Variants in MIDEAS observed in about 807,000 individuals in gnomAD.
MIDEAS encodes mitotic deacetylase associated SANT domain protein.
MIDEAS carries 26 observed loss-of-function variants against 102.7 expected under a neutral mutation model. The observed-to-expected ratio is 0.25, with a 90% confidence interval of 0.19 to 0.35. The LOEUF is 0.35. Ranked by LOEUF, MIDEAS falls within the 10% of genes least tolerant of loss-of-function variation. MIDEAS has a pLI of 1.00. For missense variants in MIDEAS, 1,231 were observed against 1,435.6 expected (o/e 0.86, Z 2.30); for synonymous variants, 585 against 591.0 (o/e 0.99, Z 0.15).
intron 8 of MIDEAS, 28 bp downstream of exon 8, chr14:73,726,005 G>T (rs938270015): frequency 1.3e-5 from 20 of 1,563,738 alleles, no homozygotes; most frequent in Admixed American, 1.2e-4. Flanking sequence ...GAGGCTCCAG[G>T]CACCATGCCC....
upstream of MIDEAS, among the ~76,000 whole-genome samples, chr14:73,765,273 G>C (rs1261774799): frequency 1.3e-5 from 2 of 152,220 alleles, no homozygotes; most frequent in African/African-American, 2.4e-5. Flanking sequence ...TCATGGACTA[G>C]AATCCAACAT....
At chr14:73,774,021 C>CAA (rs11322935) in intron 1 of MIDEAS, among the ~76,000 whole-genome samples, 1 of 113,032 alleles carries the variant, frequency 8.8e-6, no homozygotes, top group Non-Finnish European at 1.8e-5. Context: ...GACTGAATCT[C>CAA]AAAAAAAAAA....
chr14:73,726,218 C>T, intron 7 of MIDEAS, 110 bp from the exon 8 acceptor site: 2 of 899,840 alleles, frequency 2.2e-6, no homozygotes, highest in South Asian at 2.9e-5. Flanking sequence ...TACTCTTGCC[C>T]CCTTAACTGC....
intron 1 of MIDEAS, among the ~76,000 whole-genome samples, chr14:73,780,306 T>C (rs1303571275): frequency 6.6e-6 from 1 of 152,208 alleles, no homozygotes; most frequent in Non-Finnish European, 1.5e-5. Flanking sequence ...CTCTTCCACT[T>C]GCTCTAGAGG....
chr14:73,784,428 C>T (rs2053787563), intron 1 of MIDEAS, among the ~76,000 whole-genome samples: 1 of 152,236 alleles, frequency 6.6e-6, no homozygotes, highest in African/African-American at 2.4e-5. Flanking sequence ...CATGTGGCTC[C>T]CGCAGCTCCC....
At chr14:73,749,078 A>G (rs529329881) in intron 1 of MIDEAS, among the ~76,000 whole-genome samples, 7 of 152,332 alleles carry the variant, frequency 4.6e-5, no homozygotes, top group African/African-American at 1.7e-4. Flanking sequence ...GACTAAATAG[A>G]AGATCGACAA....
At position 73,727,215 on chromosome 14, in the gene MIDEAS, A is replaced by AC. The variant is rs1209892990; in HGVS notation, c.2162+242dup. On this transcript the variant is annotated intron_variant, in intron 5 of 12. Coordinates refer to ENST00000423556, the MANE Select transcript of MIDEAS (RefSeq NM_001367710.1). ...TTTACAGATGGGAAAGAGCCTCTGG[A>AC]CCCCCCTTTCAACTCTCCTAGAGAT... is the stretch of plus-strand genomic sequence containing the variant. 4.2e-5 allele frequency: 26 copies of AC among 617,398 alleles called. No individual in the cohort carries two copies. In the East Asian group the frequency reaches 4.9e-4, roughly 12 times the overall value. The allele number at this position is 617,398 out of a possible 1,614,324, so 38.2% of individuals were successfully genotyped here.
chr14:73,725,217 A>G lies in MIDEAS; in HGVS notation c.2574+55T>C. The G allele has an allele frequency of 1.4e-6, 2 of 1,469,494 alleles. No homozygotes were observed. The highest frequency in any genetic ancestry group is 1.4e-5 in the African/African-American group (1 of 72,210). 91.0% of individuals were successfully genotyped at this position (1,469,494 alleles called of 1,614,324 possible). On this transcript the variant is annotated intron_variant, in intron 9 of 12. Transcript: ENST00000423556. This position sits in a 1 kb window ranked among gnomAD's most constrained non-coding sequence, Gnocchi z 4.1. ...TTGGTCACTGGCAGAGGGAGCCCCA[A>G]AGTCACACAGGCAGCTCCTGGCCCT...
At position 73,736,919 on chromosome 14, in the gene MIDEAS, T is replaced by C; in HGVS notation, c.1749+79A>G. The C allele has an allele frequency of 3.1e-5, 44 of 1,405,242 alleles. No homozygotes were observed. The South Asian group carries it at 5.3e-4, about 17-fold the overall frequency. 87.0% of individuals were successfully genotyped at this position (1,405,242 alleles called of 1,614,324 possible). ...TCCCTGATACCTTCCTACATTGCCA[T>C]GTTCTCCTTTCCCCATAGGGTCCTG... On this transcript the variant is annotated intron_variant, in intron 3 of 12. Transcript: ENST00000423556.
chr14:73,722,781 C>A lies in MIDEAS; in HGVS notation c.2641G>T (p.Gly881Cys), dbSNP rs754529421. ...YYTYKKQVKIGRNGTLTFGDV... is the reference protein window; with the variant it reads ...YYTYKKQVKICRNGTLTFGDV... ...CCAAAGGTTAGAGTCCCATTGCGGC[C>A]GATTTTCACCTGCTTCTTGTAGGTG... is the stretch of plus-strand genomic sequence containing the variant. Residue 881 changes from glycine (G) to cysteine (C), a missense_variant, in exon 10 of 13, where the codon GGC becomes TGC. Physicochemically the swap from Gly to Cys is radical, Grantham distance 159. Transcript: ENST00000423556. The A allele has an allele frequency of 4.3e-6, 7 of 1,614,072 alleles. No individual in the cohort carries two copies. Among genetic ancestry groups the A allele is most frequent in the Non-Finnish European group, 5.9e-6 (7 of 1,180,036 alleles).
intron 1 of MIDEAS, among the ~76,000 whole-genome samples, chr14:73,771,370 C>T (rs1309821764): frequency 6.6e-6 from 1 of 152,224 alleles, no homozygotes; most frequent in Non-Finnish European, 1.5e-5. Context: ...TCAAGGTACG[C>T]CGGGGGCTCT....
At chr14:73,787,308 C>T (rs1276066009), upstream of MIDEAS, 1 of 149,770 alleles carries the variant, frequency 6.7e-6, no homozygotes, top group Non-Finnish European at 1.5e-5. Flanking sequence ...CCCGCCCGCG[C>T]CCCCGGCTCC....
In MIDEAS at chr14:73,717,709, G is replaced by A. The variant is rs890292679; in HGVS notation, c.*1134C>T. On this transcript the variant is annotated 3_prime_UTR_variant, in exon 13 of 13. Transcript: ENST00000423556. ...GCAGGAGGCCCCTGGTCCCTGAGAG[G>A]ATGTTAAAAATTAAATACTAAGAAT... The A allele has an allele frequency of 2.0e-5, 3 of 152,642 alleles. No individual in the cohort carries two copies. The highest frequency in any genetic ancestry group is 4.8e-5 in the African/African-American group (2 of 41,456). The allele number at this position is 152,642 out of a possible 1,614,324, so 9.5% of individuals were successfully genotyped here.
intron 1 of MIDEAS, among the ~76,000 whole-genome samples, chr14:73,786,886 T>C (rs1047980601): frequency 3.3e-5 from 5 of 151,988 alleles, no homozygotes; most frequent in African/African-American, 4.8e-5. Context: ...CCCTTGCTGT[T>C]TGAAGTCCCG....
Position 73,738,889 on chromosome 14 carries a change from T to G in MIDEAS, c.1120A>C (p.Asn374His). The change falls in exon 2 of 13, where the codon AAC becomes CAC. Residue 374 changes from asparagine to histidine, a missense_variant. Around this residue, in one of 5 missense-constraint regions of MIDEAS, gnomAD observed 758 missense variants for 856.0 expected, o/e 0.89. Coordinates refer to ENST00000423556, the MANE Select transcript of MIDEAS (RefSeq NM_001367710.1). Reference sequence around the variant, plus strand: ...AGGGGCCAGTGATGTAGGAACAGGTTGCCAGTGGCCTCCTGCCCAGGCTGG... The same window carrying G: ...AGGGGCCAGTGATGTAGGAACAGGTGGCCAGTGGCCTCCTGCCCAGGCTGG... ...GTQPGQEATG[N>H]LFLHHWPLQQ... The G allele has an allele frequency of 6.5e-7, 1 of 1,550,316 alleles. No individual in the cohort carries two copies. Among genetic ancestry groups the G allele is most frequent in the Non-Finnish European group, 8.7e-7 (1 of 1,148,288 alleles).
At position 73,779,567 on chromosome 14, in the gene MIDEAS, A is replaced by AT. The variant is rs1343232133; in HGVS notation, c.-248+7534dup. Among the ~76,000 whole-genome samples, 265 of 54,546 alleles carry AT rather than the reference A, an allele frequency of 4.9e-3. 1 individual carries two copies. Among genetic ancestry groups the AT allele is most frequent in the African/African-American group, 0.026 (224 of 8,622 alleles). The allele number at this position is 54,546 out of a possible 152,430, so 35.8% of individuals were successfully genotyped here. ...TTTTTTTAATTTGTTTATTATTATT[A>AT]TTATTATTTTTTTTTTTTTTTGAGA... On this transcript the variant is annotated intron_variant, in intron 1 of 11. Coordinates refer to the MIDEAS transcript ENST00000394071.
At chr14:73,787,401 G>GC (rs2053825881), upstream of MIDEAS, 1 of 152,046 alleles carries the variant, frequency 6.6e-6, no homozygotes, top group Non-Finnish European at 1.5e-5. Context: ...GCTGCCGGCC[G>GC]CCTAGCCTGC....
intron 1 of MIDEAS, among the ~76,000 whole-genome samples, chr14:73,779,555 T>TTTATTA (rs1264012436): frequency 9.0e-6 from 1 of 110,688 alleles, no homozygotes; most frequent in Non-Finnish European, 1.8e-5. Flanking sequence ...TTTTAATTTG[T>TTTATTA]TTATTATTAT....
At chr14:73,737,652 G>GA (rs1167940942) in intron 2 of MIDEAS, among the ~76,000 whole-genome samples, 1 of 151,230 alleles carries the variant, frequency 6.6e-6, no homozygotes, top group African/African-American at 2.4e-5. Context: ...ACAAATAAAA[G>GA]ATAAATTCTG....
Sources: gnomAD v4.1 joint callset for allele counts (sites outside exome capture counted in the v4.1 genomes callset) on GRCh38, gnomAD v4.1.1 for gene constraint, gnomAD v4.1.1 regional missense constraint, Gnocchi (gnomAD v3.1) non-coding constraint, MANE v1.5 for transcripts, NCBI Gene and HGNC (gene_info 2026-07-23, HGNC 2026-07-21) for gene names.